Variants in TARBP1 observed in about 807,000 individuals in gnomAD.
TARBP1 encodes the protein tRNA guanosine 2 -O-methyltransferase TARBP1.
TARBP1 carries 144 observed loss-of-function variants against 178.6 expected under a neutral mutation model. That is an observed-to-expected ratio of 0.81 (90% CI 0.70 to 0.93). The LOEUF (loss-of-function observed/expected upper bound fraction) is 0.93. Among genes scored for constraint, TARBP1 ranks in the 40% least tolerant of loss-of-function variants. The pLI is 0.00. For missense variants in TARBP1, 2,067 were observed against 2,011.7 expected (o/e 1.03, Z -0.53); for synonymous variants, 787 against 781.0 (o/e 1.01, Z -0.13).
At chr1:234,438,342 C>T (rs539848455) in intron 12 of TARBP1, among the ~76,000 whole-genome samples, 2 of 152,016 alleles carry the variant, frequency 1.3e-5, no homozygotes, top group Non-Finnish European at 2.9e-5. Context: ...GTGTTAGAAC[C>T]GTTTGACAAA....
chr1:234,410,940 C>T (rs1409044150), intron 22 of TARBP1, among the ~76,000 whole-genome samples: 4 of 152,104 alleles, frequency 2.6e-5, no homozygotes, highest in Non-Finnish European at 4.4e-5. Flanking sequence ...GGCATGGTAG[C>T]GCACACCTGT....
intron 2 of TARBP1, among the ~76,000 whole-genome samples, chr1:234,472,348 A>C (rs1157325159): frequency 6.6e-6 from 1 of 150,826 alleles, no homozygotes; most frequent in Non-Finnish European, 1.5e-5. Flanking sequence ...AAAAAAAAAA[A>C]AAAAAAAAAC....
In TARBP1 at chr1:234,457,744, G is replaced by A; in HGVS notation, c.1645C>T (p.Leu549Phe). The change falls in exon 9 of 30, where the codon CTT becomes TTT. Residue 549 changes from leucine to phenylalanine, a missense_variant. By Grantham distance (22) the Leu-to-Phe change is conservative. Transcript: ENST00000040877. Reference sequence around the variant, plus strand: ...ATGAGAAAAGTTGAGACATCAGAAAGTGACACTTTCTCCTGGGCAGGGCAG... The same window carrying A: ...ATGAGAAAAGTTGAGACATCAGAAAATGACACTTTCTCCTGGGCAGGGCAG... ...MNLLDVEKVS[L>F]SDVSTFLMSL... is the part of the protein sequence containing the mutation. 2 of 1,608,424 alleles carry A rather than the reference G, an allele frequency of 1.2e-6. No individual in the cohort carries two copies. The highest frequency in any genetic ancestry group is 1.7e-6 in the Non-Finnish European group (2 of 1,176,616).
intron 3 of TARBP1, among the ~76,000 whole-genome samples, chr1:234,470,621 T>C (rs577816010): frequency 2.4e-5 from 2 of 81,888 alleles, no homozygotes; most frequent in Admixed American, 3.0e-4. Context: ...AATTGTGTTC[T>C]TTTTTTTTTT....
chr1:234,451,860 C>T (rs270520), intron 9 of TARBP1, among the ~76,000 whole-genome samples: 32,430 of 151,542 alleles, frequency 0.21, 4,523 homozygotes, highest in African/African-American at 0.4. Context: ...GGAGGTTGTT[C>T]TGTGTAGGTC....
chr1:234,406,120 T>C (rs754251210), intron 23 of TARBP1, 21 bp from the exon 24 acceptor site: 32 of 1,610,860 alleles, frequency 2.0e-5, no homozygotes, highest in East Asian at 4.5e-5. Flanking sequence ...AGGCAAAAAA[T>C]TCCTCAAAAC....
chr1:234,405,902 C>A lies in TARBP1; in HGVS notation c.3989+1G>T. 6.2e-7 allele frequency: 1 copy of A among 1,613,362 alleles called. No homozygotes were observed. Among genetic ancestry groups the A allele is most frequent in the Non-Finnish European group, 8.5e-7 (1 of 1,179,564 alleles). On this transcript the variant is annotated splice_donor_variant, in intron 24 of 29. Transcript: ENST00000040877. LOFTEE classifies it high-confidence loss of function. Reference sequence around the variant, plus strand: ...CGATGAGGTTGACGAGGGCTCCTTACCCTGCTCCGTGCATGCTTTCCACTT... The same window carrying A: ...CGATGAGGTTGACGAGGGCTCCTTAACCTGCTCCGTGCATGCTTTCCACTT...
chr1:234,406,821 T>G (rs902704958), intron 23 of TARBP1: 1 of 152,224 alleles, frequency 6.6e-6, no homozygotes, highest in South Asian at 2.1e-4. Context: ...GGACCCAAAC[T>G]TTTAATGAAA....
intron 3 of TARBP1, among the ~76,000 whole-genome samples, chr1:234,468,698 G>A (rs927480052): frequency 1.3e-5 from 2 of 151,912 alleles, no homozygotes; most frequent in Non-Finnish European, 1.5e-5. Context: ...AACAAGGCAT[G>A]AACTGACCTT....
intron 26 of TARBP1, among the ~76,000 whole-genome samples, chr1:234,394,434 C>A (rs1401227043): frequency 6.6e-6 from 1 of 152,224 alleles, no homozygotes; most frequent in African/African-American, 2.4e-5. Flanking sequence ...CTCTACCTCT[C>A]AGGCTCTTCC....
chr1:234,431,617 T>C (rs1664438272), intron 14 of TARBP1, among the ~76,000 whole-genome samples: 2 of 152,256 alleles, frequency 1.3e-5, no homozygotes, highest in African/African-American at 4.8e-5. Flanking sequence ...CTAACTTTTA[T>C]TGAGGACTGT....
At chr1:234,459,097 C>T (rs1667580625) in intron 8 of TARBP1, 133 bp downstream of exon 8, 1 of 630,526 alleles carries the variant, frequency 1.6e-6, no homozygotes, top group Admixed American at 3.2e-5. Flanking sequence ...TATTTTATTA[C>T]AAGCACATTT....
intron 1 of TARBP1, among the ~76,000 whole-genome samples, chr1:234,474,181 T>C (rs1669344751): frequency 1.3e-5 from 2 of 150,628 alleles, no homozygotes; most frequent in Admixed American, 1.3e-4. Context: ...TATTTTGAAG[T>C]TATAGTGAGC....
At chr1:234,420,576 G>T in intron 21 of TARBP1, 126 bp downstream of exon 21, 1 of 510,912 alleles carries the variant, frequency 2.0e-6, no homozygotes, top group Non-Finnish European at 3.2e-6. Context: ...TCAATTTTAA[G>T]AACTGCAGAA....
intron 25 of TARBP1, among the ~76,000 whole-genome samples, chr1:234,399,904 G>A (rs1415336757): frequency 1.6e-4 from 18 of 112,074 alleles, no homozygotes; most frequent in African/African-American, 5.3e-4. Context: ...GGGAGGGGGG[G>A]AGGGATAGCT....
intron 12 of TARBP1, among the ~76,000 whole-genome samples, chr1:234,444,223 C>T (rs67745038): frequency 0.3 from 45,582 of 151,866 alleles, 7,026 homozygotes; most frequent in Admixed American, 0.41. Context: ...AAGCGAGACT[C>T]AGCAAAGACC....
intron 21 of TARBP1, among the ~76,000 whole-genome samples, chr1:234,419,936 C>T (rs4920179): frequency 6.6e-6 from 1 of 152,088 alleles, no homozygotes; most frequent in South Asian, 2.1e-4. Flanking sequence ...AAGAAAGAGG[C>T]TAGTATATAT....
At chr1:234,467,192 C>A (rs1183881217) in intron 4 of TARBP1, among the ~76,000 whole-genome samples, 2 of 152,166 alleles carry the variant, frequency 1.3e-5, no homozygotes, top group Non-Finnish European at 2.9e-5. Flanking sequence ...AACAGCATCA[C>A]CTGATAGCTT....
At chr1:234,426,945 G>A (rs1297190964) in intron 19 of TARBP1, among the ~76,000 whole-genome samples, 1 of 152,124 alleles carries the variant, frequency 6.6e-6, no homozygotes, top group African/African-American at 2.4e-5. Flanking sequence ...GTTAAATGGT[G>A]AATTTTAATT....
Sources: gnomAD v4.1 joint callset for allele counts (sites outside exome capture counted in the v4.1 genomes callset) on GRCh38, gnomAD v4.1.1 for gene constraint, MANE v1.5 for transcripts, NCBI Gene and HGNC (gene_info 2026-07-23, HGNC 2026-07-21) for gene names.